VNN1: variants seen among roughly 807,000 people sequenced by gnomAD.
The protein encoded by VNN1 is vanin 1, also known as pantetheinase.
A neutral mutation model predicts 41.9 loss-of-function variants in VNN1; 29 were observed. That is an observed-to-expected ratio of 0.69 (90% CI 0.52 to 0.94). The LOEUF is 0.94. Among genes scored for constraint, VNN1 ranks in the 40% least tolerant of loss-of-function variants. VNN1 has a pLI of 0.00. For missense variants in VNN1, 637 were observed against 621.1 expected, an observed-to-expected ratio of 1.03 and a Z score of -0.27; for synonymous variants, 233 against 224.4, an observed-to-expected ratio of 1.04 and a Z score of -0.34.
intron 5 of VNN1, among the ~76,000 whole-genome samples, chr6:132,687,421 A>C (rs1778224820): frequency 6.6e-6 from 1 of 152,204 alleles, no homozygotes. Context: ...AAGACGGGGA[A>C]CAGAAAACAG....
rs768849666 is a variant in VNN1 at position 132,694,180 on chromosome 6, A to T, written c.344T>A (p.Phe115Tyr). 15 of 1,578,170 alleles carry T rather than the reference A, an allele frequency of 9.5e-6. No homozygotes were observed. Among genetic ancestry groups the T allele is most frequent in the Non-Finnish European group, 1.2e-5 (14 of 1,164,040 alleles). The change falls in exon 3 of 7, where the codon TTT (phenylalanine) becomes TAT (tyrosine). Residue 115 changes from phenylalanine to tyrosine, a missense_variant and splice_region_variant. Phe to Tyr is a conservative substitution (Grantham distance 22). Transcript: ENST00000367928. The part of the protein sequence containing the change: ...NWIPCNNRNR[F>Y]GQTPVQERLS... ...TCTTTCTTGTACTGGGGTCTGGCCA[A>T]ATCTGATACATGTTTATTGGAGGAA...
intron 2 of VNN1, chr6:132,699,248 C>A: frequency 3.6e-6 from 1 of 276,604 alleles, no homozygotes; most frequent in South Asian, 4.5e-5. Context: ...CTTTCAATTT[C>A]TACAACTCCA....
chr6:132,702,252 G>A (rs999478875), intron 2 of VNN1, among the ~76,000 whole-genome samples: 10 of 152,184 alleles, frequency 6.6e-5, no homozygotes, highest in African/African-American at 2.4e-4. Flanking sequence ...TCATAGGAAT[G>A]GAAGCCTGTT....
intron 2 of VNN1, among the ~76,000 whole-genome samples, chr6:132,697,644 G>A (rs1231017281): frequency 1.3e-5 from 2 of 150,932 alleles, no homozygotes; most frequent in African/African-American, 4.9e-5. Flanking sequence ...TAAAAATTTG[G>A]TGACATCAAA....
chr6:132,695,747 C>T (rs1374662360), intron 2 of VNN1, among the ~76,000 whole-genome samples: 13 of 152,102 alleles, frequency 8.5e-5, no homozygotes, highest in Non-Finnish European at 2.9e-5. Flanking sequence ...AGTCGCCATA[C>T]ATGCCCAGGG....
At chr6:132,684,062 G>A (rs532682927) in intron 6 of VNN1, among the ~76,000 whole-genome samples, 84 of 152,036 alleles carry the variant, frequency 5.5e-4, no homozygotes, top group African/African-American at 1.7e-3. Context: ...AACTACTCTC[G>A]TTGAATCTTC....
intron 2 of VNN1, among the ~76,000 whole-genome samples, chr6:132,696,032 A>C (rs1049133722): frequency 2.0e-5 from 3 of 152,242 alleles, no homozygotes; most frequent in African/African-American, 4.8e-5. Flanking sequence ...ACCACATGAC[A>C]GACCTACTAA....
At chr6:132,699,088 G>A (rs777793553) in intron 2 of VNN1, 9 of 279,530 alleles carry the variant, frequency 3.2e-5, no homozygotes, top group African/African-American at 4.6e-5. Context: ...TCTTCTATTC[G>A]GCTGTAAAAT....
rs984183543 is a variant in VNN1 at position 132,686,302 on chromosome 6, G to T, written c.1189-1797C>A. ...TCTGTACCAAAAATATAAAAAATTAGCTGGGAGTGGTGGCATGAACCTGTA... is the reference window on the plus strand; with the variant it reads ...TCTGTACCAAAAATATAAAAAATTATCTGGGAGTGGTGGCATGAACCTGTA... On this transcript the variant is annotated intron_variant, in intron 5 of 6. Transcript: ENST00000367928. Among the ~76,000 whole-genome samples the T allele has an allele frequency of 1.2e-4, 18 of 152,214 alleles. No homozygotes were observed. The South Asian group carries it at 3.5e-3, about 30-fold the overall frequency.
chr6:132,699,417 C>A (rs948266483), intron 2 of VNN1: 7 of 165,606 alleles, frequency 4.2e-5, no homozygotes, highest in African/African-American at 1.4e-4. Context: ...TATTGGAGAT[C>A]CAAAAACAGA....
intron 2 of VNN1, among the ~76,000 whole-genome samples, chr6:132,702,427 A>T (rs1251958665): frequency 6.6e-6 from 1 of 152,178 alleles, no homozygotes; most frequent in Non-Finnish European, 1.5e-5. Flanking sequence ...AACGTTGGGG[A>T]CAGCTGATTT....
intron 5 of VNN1, among the ~76,000 whole-genome samples, chr6:132,684,829 T>G (rs912195579): frequency 1.3e-5 from 2 of 152,136 alleles, no homozygotes; most frequent in Non-Finnish European, 2.9e-5. Context: ...AGTCATCCAG[T>G]TTATCACTGA....
intron 2 of VNN1, among the ~76,000 whole-genome samples, chr6:132,697,581 G>T (rs767344832): frequency 6.6e-6 from 1 of 151,642 alleles, no homozygotes; most frequent in Non-Finnish European, 1.5e-5. Flanking sequence ...ACTCTGAAAT[G>T]ATAAATGGTT....
At chr6:132,713,212 C>G (rs1041456868) in intron 1 of VNN1, among the ~76,000 whole-genome samples, 1 of 152,132 alleles carries the variant, frequency 6.6e-6, no homozygotes, top group Non-Finnish European at 1.5e-5. Context: ...TTCATGTATT[C>G]CTGGTCTACA....
chr6:132,681,441 A>G lies in VNN1; in HGVS notation c.*1699T>C, dbSNP rs903503448. The G allele has an allele frequency of 6.6e-6, 1 of 152,206 alleles. No individual in the cohort carries two copies. The highest frequency in any genetic ancestry group is 2.4e-5 in the African/African-American group (1 of 41,448). The allele number at this position is 152,206 out of a possible 1,614,324, so 9.4% of individuals were successfully genotyped here. On this transcript the variant is annotated 3_prime_UTR_variant, in exon 7 of 7. Coordinates refer to ENST00000367928, the MANE Select transcript of VNN1 (RefSeq NM_004666.3). The stretch of plus-strand genomic sequence containing the variant: ...AAAGGCCCTGATCCAGAACAACTCC[A>G]CTAAGCCAGTCCCAGATCCTGACCC...
chr6:132,712,502 C>T (rs976113741), intron 1 of VNN1, among the ~76,000 whole-genome samples: 3 of 152,118 alleles, frequency 2.0e-5, no homozygotes, highest in South Asian at 2.1e-4. Flanking sequence ...CTATGGCAGT[C>T]GTTAACTATA....
chr6:132,683,646 C>G (rs989749826), intron 6 of VNN1, among the ~76,000 whole-genome samples: 15 of 152,160 alleles, frequency 9.9e-5, no homozygotes, highest in African/African-American at 3.6e-4. Context: ...TAAAGACTCC[C>G]CACAATGGCC....
chr6:132,692,690 GT>G, intron 4 of VNN1, 106 bp from the exon 5 acceptor site: 1 of 1,366,922 alleles, frequency 7.3e-7, no homozygotes, highest in East Asian at 2.5e-5. Context: ...CTCTCTCTAA[GT>G]TATATGTTTT....
intron 2 of VNN1, among the ~76,000 whole-genome samples, 182 bp from the exon 3 acceptor site, chr6:132,694,364 A>G (rs1218849831): frequency 5.9e-5 from 9 of 152,240 alleles, no homozygotes; most frequent in Non-Finnish European, 1.2e-4. Flanking sequence ...ATGCTTGAGT[A>G]AAATTGGTTG....
Sources: allele counts gnomAD v4.1 joint callset (sites outside exome capture counted in the v4.1 genomes callset), GRCh38; gene constraint gnomAD v4.1.1; transcripts MANE v1.5; gene names NCBI Gene and HGNC (gene_info 2026-07-23, HGNC 2026-07-21).